SUGCT: variants seen among roughly 807,000 people sequenced by gnomAD.
SUGCT encodes succinyl-CoA:glutarate-CoA transferase, also known as succinyl-CoA:glutarate CoA-transferase.
In SUGCT, 41 loss-of-function variants were observed where a neutral mutation model predicts 55.0. The ratio of observed to expected loss-of-function variants is 0.74; its 90% CI spans 0.58 to 0.97. The LOEUF is 0.97. Among genes scored for constraint, SUGCT ranks in the 50% least tolerant of loss-of-function variants. The probability of loss-of-function intolerance (pLI) is 0.00; values close to 1 mark genes in which losing one functional copy is unlikely to be tolerated. For synonymous variants in SUGCT, 187 were observed against 200.4 expected, an observed-to-expected ratio of 0.93 and a Z score of 0.56; for missense variants, 568 against 547.8, an observed-to-expected ratio of 1.04 and a Z score of -0.37.
the SUGCT span, among the ~76,000 whole-genome samples, chr7:41,028,084 G>A: frequency 0.02 from 3,074 of 152,310 alleles, 119 homozygotes; most frequent in African/African-American, 0.071. Flanking sequence ...TCCTTGGTGG[G>A]TGCTAAGGAT....
chr7:41,024,745 G>T, the SUGCT span, among the ~76,000 whole-genome samples: 3 of 137,736 alleles, frequency 2.2e-5, no homozygotes, highest in Non-Finnish European at 4.9e-5. Flanking sequence ...TTGATTGTGG[G>T]AGTGTAAATG....
chr7:40,939,274 GA>G, the SUGCT span, among the ~76,000 whole-genome samples: 12,169 of 152,090 alleles, frequency 0.08, 533 homozygotes, highest in African/African-American at 0.1. Flanking sequence ...TGACTACCAC[GA>G]AAACAGTATG....
the SUGCT span, among the ~76,000 whole-genome samples, chr7:40,922,140 G>A: frequency 6.6e-6 from 1 of 152,256 alleles, no homozygotes; most frequent in East Asian, 1.9e-4. Context: ...TTTACTCCAG[G>A]GTTTAGAGGG....
chr7:40,668,476 A>G (rs1801764293), intron 12 of SUGCT, among the ~76,000 whole-genome samples: 1 of 152,202 alleles, frequency 6.6e-6, no homozygotes, highest in Admixed American at 6.5e-5. Context: ...TCTTTAAGAA[A>G]AGTCAACTTT....
intron 12 of SUGCT, among the ~76,000 whole-genome samples, chr7:40,660,568 A>G (rs900682763): frequency 6.6e-6 from 1 of 152,054 alleles, no homozygotes; most frequent in Non-Finnish European, 1.5e-5. Flanking sequence ...GGAGGTTTTT[A>G]TAGTAAGCTT....
the SUGCT span, among the ~76,000 whole-genome samples, chr7:40,979,045 A>G: frequency 6.6e-6 from 1 of 152,224 alleles, no homozygotes; most frequent in East Asian, 1.9e-4. Flanking sequence ...GAGTTGGTGC[A>G]AGGTTGATGT....
chr7:40,641,311 A>G (rs769861117), intron 12 of SUGCT, among the ~76,000 whole-genome samples: 93 of 152,196 alleles, frequency 6.1e-4, no homozygotes, highest in Non-Finnish European at 1.2e-3. Flanking sequence ...AGTAAAGGGC[A>G]GAGACATTTT....
chr7:40,430,711 G>A (rs981932429), intron 9 of SUGCT, among the ~76,000 whole-genome samples: 1 of 152,122 alleles, frequency 6.6e-6, no homozygotes, highest in African/African-American at 2.4e-5. Flanking sequence ...AGTTTTTGGT[G>A]TGATATCAAA....
intron 12 of SUGCT, among the ~76,000 whole-genome samples, chr7:40,579,026 C>T (rs1562875570): frequency 6.6e-6 from 1 of 152,052 alleles, no homozygotes; most frequent in Non-Finnish European, 1.5e-5. Flanking sequence ...GTGCTTGGCT[C>T]CAGGGACAGT....
chr7:40,708,899 T>C (rs981277176), intron 12 of SUGCT, among the ~76,000 whole-genome samples: 1 of 152,190 alleles, frequency 6.6e-6, no homozygotes, highest in African/African-American at 2.4e-5. Context: ...CCAGTCTCTG[T>C]CATCAAGATG....
chr7:40,727,092 C>T (rs2128691684), intron 12 of SUGCT, among the ~76,000 whole-genome samples: 3 of 152,294 alleles, frequency 2.0e-5, no homozygotes, highest in Admixed American at 2.0e-4. Context: ...ATTAGTGACT[C>T]CTTTGCTCAC....
Position 40,860,529 on chromosome 7 carries a change from A to G in SUGCT, c.*50A>G, listed in dbSNP as rs1794451600. On this transcript the variant is annotated 3_prime_UTR_variant, in exon 14 of 14. Transcript: ENST00000335693. ...AACCTCGATCCGAATACACTGGCAA[A>G]GGCAACACTTTGCTTGGACCCTTCT... 1 of 1,562,424 alleles carries G rather than the reference A, an allele frequency of 6.4e-7. No homozygotes were observed. The highest frequency in any genetic ancestry group is 1.2e-5 in the South Asian group (1 of 83,154).
At chr7:40,856,874 C>T (rs537036860) in intron 13 of SUGCT, among the ~76,000 whole-genome samples, 1 of 152,258 alleles carries the variant, frequency 6.6e-6, no homozygotes, top group African/African-American at 2.4e-5. Flanking sequence ...TAAAATCAAA[C>T]AAAATTCCCA....
intron 13 of SUGCT, among the ~76,000 whole-genome samples, chr7:40,764,075 C>T (rs933034274): frequency 3.3e-5 from 5 of 152,062 alleles, no homozygotes; most frequent in Non-Finnish European, 7.4e-5. Flanking sequence ...AAGTGGAAAA[C>T]AGAAAGCACC....
chr7:40,709,995 A>G (rs1451985277), intron 12 of SUGCT, among the ~76,000 whole-genome samples: 2 of 152,214 alleles, frequency 1.3e-5, no homozygotes, highest in Non-Finnish European at 2.9e-5. Flanking sequence ...CTCAGACAAA[A>G]GAAACACAAA....
rs186507635 is a variant in SUGCT at position 40,551,137 on chromosome 7, C to A, written c.1089+54751C>A. Among the ~76,000 whole-genome samples, 258 of 152,238 alleles carry A rather than the reference C, an allele frequency of 1.7e-3. 1 individual carries two copies. The highest frequency in any genetic ancestry group is 6.1e-3 in the African/African-American group (252 of 41,550). The stretch of plus-strand genomic sequence containing the variant: ...GCATGCTCTTTGCCCAGCAGGTTCT[C>A]CTAGGACATCCTCCTCTTGGAACAC... On this transcript the variant is annotated intron_variant, in intron 12 of 13. Coordinates refer to ENST00000335693, the MANE Select transcript of SUGCT (RefSeq NM_001193313.2).
chr7:40,962,016 A>T, the SUGCT span, among the ~76,000 whole-genome samples: 3 of 152,114 alleles, frequency 2.0e-5, no homozygotes, highest in African/African-American at 7.2e-5. Flanking sequence ...TGGGTTGCCC[A>T]GCTGGCTTGG....
intron 12 of SUGCT, among the ~76,000 whole-genome samples, chr7:40,591,332 G>A (rs1797707489): frequency 6.6e-6 from 1 of 152,196 alleles, no homozygotes; most frequent in African/African-American, 2.4e-5. Flanking sequence ...TAGAAGTGGA[G>A]CCTGAAGATG....
intron 8 of SUGCT, among the ~76,000 whole-genome samples, chr7:40,277,079 C>T (rs1044820697): frequency 5.3e-5 from 8 of 152,168 alleles, no homozygotes; most frequent in Non-Finnish European, 8.8e-5. Context: ...GATAAGTACT[C>T]GATAAACAGC....
Sources: allele counts gnomAD v4.1 joint callset (sites outside exome capture counted in the v4.1 genomes callset), GRCh38; gene constraint gnomAD v4.1.1; transcripts MANE v1.5; gene names NCBI Gene and HGNC (gene_info 2026-07-23, HGNC 2026-07-21).